MZT2A: variants seen among roughly 807,000 people sequenced by gnomAD.
MZT2A encodes the protein mitotic-spindle organizing protein 2A.
MZT2A carries 8 observed loss-of-function variants against 12.4 expected under a neutral mutation model. The ratio of observed to expected loss-of-function variants is 0.64; its 90% CI spans 0.38 to 1.16. The LOEUF (loss-of-function observed/expected upper bound fraction) is 1.16, where lower values mean the gene tolerates loss of function less well. Ranked by LOEUF, MZT2A falls within the 50% of genes most tolerant of loss-of-function variation. The probability of loss-of-function intolerance (pLI) is 0.01; values close to 1 mark genes in which losing one functional copy is unlikely to be tolerated. For missense variants in MZT2A, 181 were observed against 223.6 expected (o/e 0.81, Z 1.22); for synonymous variants, 88 against 107.5 (o/e 0.82, Z 1.12).
At chr2:131,477,027 CTTTT>C (rs1167783157) in intron 2 of MZT2A, among the ~76,000 whole-genome samples, 7 of 128,794 alleles carry the variant, frequency 5.4e-5, no homozygotes, top group African/African-American at 1.5e-4. Context: ...TTTTTCCTTT[CTTTT>C]TCTTTCTTTT....
chr2:131,479,338 T>C, downstream of MZT2A: 3 of 1,614,114 alleles, frequency 1.9e-6, no homozygotes, highest in Non-Finnish European at 2.5e-6. Context: ...TACAGGCAGC[T>C]CTTCCACCCG....
chr2:131,475,850 C>G (rs1347228953), intron 2 of MZT2A, among the ~76,000 whole-genome samples: 2 of 152,118 alleles, frequency 1.3e-5, no homozygotes, highest in Admixed American at 1.3e-4. Context: ...GGGAGCAAGG[C>G]AATGTTCCGC....
chr2:131,480,757 T>A (rs771450521), downstream of MZT2A: 8 of 1,605,198 alleles, frequency 5.0e-6, no homozygotes, highest in Admixed American at 3.3e-5. Flanking sequence ...AAGGTATGAC[T>A]GGGTGATGTG....
At position 131,484,141 on chromosome 2, in the gene MZT2A, T is replaced by C. The variant is rs762379038; in HGVS notation, c.397A>G (p.Arg133Gly). The change falls in exon 3 of 3, where the codon AGG (arginine) becomes GGG (glycine). Residue 133 changes from arginine to glycine, a missense_variant. Around this residue, in one of 3 missense-constraint regions of MZT2A, gnomAD observed 72 missense variants for 76.9 expected, o/e 0.94. Transcript: ENST00000309451. ...GTAGCGCTGGGCTGGCGTGGCATCCTCTGGCTGGATCCCTCGTGGTTGCTG... is the reference window on the plus strand; with the variant it reads ...GTAGCGCTGGGCTGGCGTGGCATCCCCTGGCTGGATCCCTCGTGGTTGCTG... ...ERSNHEGSSQRMPRQPSATRL... is the reference protein window; with the variant it reads ...ERSNHEGSSQGMPRQPSATRL... 4 of 1,614,012 alleles carry C rather than the reference T, an allele frequency of 2.5e-6. No individual in the cohort carries two copies. In the Admixed American group the frequency reaches 5.0e-5, roughly 20 times the overall value.
chr2:131,478,899 C>T (rs189274812), intron 2 of MZT2A: 4,681 of 209,900 alleles, frequency 0.022, 72 homozygotes, highest in Middle Eastern at 0.045. Flanking sequence ...GCCTGTGGGA[C>T]CCAGGTCATC....
chr2:131,486,911 G>A (rs970161528), intron 2 of MZT2A, among the ~76,000 whole-genome samples: 3 of 152,126 alleles, frequency 2.0e-5, no homozygotes, highest in African/African-American at 7.2e-5. Context: ...GTGCTCTCGG[G>A]GCTAGTGGGG....
At chr2:131,479,361 A>G (rs1573859329), downstream of MZT2A, 1 of 1,614,160 alleles carries the variant, frequency 6.2e-7, no homozygotes. Context: ...GCAGCTGATC[A>G]CCGGGAAGGA....
chr2:131,475,161 C>T (rs755591306), intron 2 of MZT2A, among the ~76,000 whole-genome samples: 33 of 151,590 alleles, frequency 2.2e-4, no homozygotes, highest in Admixed American at 1.1e-3. Flanking sequence ...TTTGTAAAAA[C>T]GGGCAAGGTG....
In MZT2A at chr2:131,484,202, G is replaced by A. The variant is rs755221052; in HGVS notation, c.336C>T (p.Ser112=). The A allele has an allele frequency of 6.9e-5, 111 of 1,613,834 alleles. No homozygotes were observed. In the Middle Eastern group the frequency reaches 1.2e-3, roughly 17 times the overall value. Residue 112 remains serine (S), a synonymous_variant, in exon 3 of 3, where the codon AGC becomes AGT. Transcript: ENST00000309451. ...GGGCCAATACTCCCCCGAGGGCAGC[G>A]CTGCCTTTGTCTCTCCCTAAGGAGA... is the stretch of plus-strand genomic sequence containing the variant. ...VPETRGRDKG[S]AALGGVLALA... is the part of the protein sequence containing the mutation.
downstream of MZT2A, among the ~76,000 whole-genome samples, chr2:131,483,162 G>A (rs1298274306): frequency 6.6e-6 from 1 of 152,194 alleles, no homozygotes; most frequent in Non-Finnish European, 1.5e-5. Context: ...GGAAAGCAGA[G>A]TCAGGGTTTT....
At chr2:131,478,206 A>G (rs1374834503) in intron 2 of MZT2A, 2 of 1,614,008 alleles carry the variant, frequency 1.2e-6, no homozygotes, top group Admixed American at 3.3e-5. Flanking sequence ...GGGTGTCCAG[A>G]TCGGCAATGC....
At chr2:131,482,576 A>C (rs547261375), downstream of MZT2A, 27 of 1,610,720 alleles carry the variant, frequency 1.7e-5, no homozygotes, top group Non-Finnish European at 2.2e-5. Context: ...CCAGCCCCCC[A>C]CAGTGGTCCC....
chr2:131,475,109 C>T (rs374323501), intron 2 of MZT2A, among the ~76,000 whole-genome samples: 12 of 149,616 alleles, frequency 8.0e-5, no homozygotes, highest in Middle Eastern at 3.6e-3. Flanking sequence ...TACAGGCATG[C>T]GCCACCGTGC....
downstream of MZT2A, chr2:131,480,182 G>C (rs148201116): frequency 1.9e-6 from 3 of 1,613,966 alleles, no homozygotes; most frequent in Admixed American, 1.7e-5. Flanking sequence ...ATTACGGCAA[G>C]AAGTCCAAGC....
chr2:131,492,884 C>T, upstream of MZT2A: 1 of 1,506,100 alleles, frequency 6.6e-7, no homozygotes, highest in Non-Finnish European at 8.9e-7. Flanking sequence ...CAGAGGCCGC[C>T]ACAACGCAGG....
intron 2 of MZT2A, among the ~76,000 whole-genome samples, chr2:131,484,816 G>T (rs1350308215): frequency 2.6e-5 from 4 of 152,200 alleles, no homozygotes; most frequent in Non-Finnish European, 5.9e-5. Context: ...CAGATTCCAT[G>T]ACAGGGTTCC....
chr2:131,478,453 T>G, intron 2 of MZT2A: 3 of 1,410,378 alleles, frequency 2.1e-6, no homozygotes, highest in Middle Eastern at 2.4e-4. Flanking sequence ...AAGCCCCGTG[T>G]GGGCTCCTTT....
intron 2 of MZT2A, among the ~76,000 whole-genome samples, chr2:131,476,403 G>A (rs1266950011): frequency 1.3e-5 from 2 of 152,200 alleles, no homozygotes; most frequent in Non-Finnish European, 2.9e-5. Flanking sequence ...TGTTTTAGAT[G>A]AAGCTGCCGG....
At chr2:131,479,470 G>A (rs1477821402), downstream of MZT2A, 3 of 1,610,512 alleles carry the variant, frequency 1.9e-6, no homozygotes, top group Non-Finnish European at 2.5e-6. Context: ...AGAAGAGAAG[G>A]TTTCATGTGG....
Sources: allele counts gnomAD v4.1 joint callset (sites outside exome capture counted in the v4.1 genomes callset), GRCh38; gene constraint gnomAD v4.1.1; regional missense constraint gnomAD v4.1.1; transcripts MANE v1.5; gene names NCBI Gene and HGNC (gene_info 2026-07-23, HGNC 2026-07-21).